DAPK2: variants seen among roughly 807,000 people sequenced by gnomAD.
DAPK2 encodes the protein death-associated protein kinase 2.
In DAPK2, 35 loss-of-function variants were observed where a neutral mutation model predicts 44.1. That is an observed-to-expected ratio of 0.79 (90% confidence interval 0.61 to 1.05). The LOEUF (loss-of-function observed/expected upper bound fraction) is 1.05. DAPK2 is among the 50% of genes least tolerant of loss of function. DAPK2 has a pLI of 0.00. For synonymous variants in DAPK2, 174 were observed against 182.6 expected, an observed-to-expected ratio of 0.95 and a Z score of 0.38; for missense variants, 453 against 483.2, an observed-to-expected ratio of 0.94 and a Z score of 0.59.
At chr15:64,046,430 A>G (rs1567295922), upstream of DAPK2, 1 of 271,574 alleles carries the variant, frequency 3.7e-6, no homozygotes, top group Non-Finnish European at 5.5e-6. The surrounding 1 kb of genome is among the most constrained non-coding windows in gnomAD (Gnocchi z 5.3). Context: ...TCGGCCCTGC[A>G]GTCCTCTCCT....
At chr15:64,012,645 T>C (rs72755010) in intron 1 of DAPK2, among the ~76,000 whole-genome samples, 3,680 of 152,266 alleles carry the variant, frequency 0.024, 65 homozygotes, top group Non-Finnish European at 0.037. Flanking sequence ...AGAACAACAT[T>C]CTGATCCCAT....
intron 1 of DAPK2, among the ~76,000 whole-genome samples, chr15:63,989,428 C>T (rs918240841): frequency 1.4e-4 from 22 of 152,244 alleles, no homozygotes; most frequent in African/African-American, 5.1e-4. Context: ...AGTAAAGTGA[C>T]TGGCAATTGG....
intron 3 of DAPK2, among the ~76,000 whole-genome samples, chr15:63,943,251 C>T (rs2077363268): frequency 1.3e-5 from 2 of 151,914 alleles, no homozygotes; most frequent in South Asian, 4.2e-4. Flanking sequence ...TGGAGAAACC[C>T]TGTCTCTACA....
chr15:63,991,265 C>T, intron 1 of DAPK2: 1 of 456,280 alleles, frequency 2.2e-6, no homozygotes, highest in Non-Finnish European at 4.4e-6. Context: ...ACTAGATGGG[C>T]ATGACAGGAG....
chr15:63,971,582 G>A (rs576640808), intron 2 of DAPK2, 21 bp from the exon 4 acceptor site: 5 of 1,612,972 alleles, frequency 3.1e-6, no homozygotes, highest in Admixed American at 1.7e-5. Flanking sequence ...CCAGCGGGGG[G>A]AGGGGAGGCC....
chr15:63,971,622 G>A, intron 2 of DAPK2, 61 bp from the exon 4 acceptor site: 1 of 1,579,022 alleles, frequency 6.3e-7, no homozygotes, highest in Non-Finnish European at 8.6e-7. Flanking sequence ...ATGTCATGAG[G>A]CTGGGCTGAT....
intron 1 of DAPK2, among the ~76,000 whole-genome samples, chr15:64,021,604 C>T (rs899944879): frequency 4.6e-5 from 7 of 152,154 alleles, no homozygotes; most frequent in East Asian, 1.9e-4. Flanking sequence ...AATGTGGCCC[C>T]GTCTTCAATG....
chr15:63,957,168 A>G (rs1352919948), intron 3 of DAPK2, among the ~76,000 whole-genome samples: 2 of 152,228 alleles, frequency 1.3e-5, no homozygotes, highest in South Asian at 2.1e-4. Context: ...TTATCATTAT[A>G]TAATGGCTTT....
chr15:64,007,737 AT>A (rs2079274085), intron 1 of DAPK2, among the ~76,000 whole-genome samples: 1 of 152,260 alleles, frequency 6.6e-6, no homozygotes, highest in Non-Finnish European at 1.5e-5. Context: ...GCTGTGTGCC[AT>A]TTAGCACTAA....
chr15:63,907,331 C>G (rs1030613476), exon 11 of DAPK2: 1 of 152,006 alleles, frequency 6.6e-6, no homozygotes, highest in African/African-American at 2.4e-5. Context: ...GTTAAGACTT[C>G]AACATAGAAA....
intron 3 of DAPK2, among the ~76,000 whole-genome samples, chr15:63,949,591 C>A (rs1387592147): frequency 1.3e-5 from 2 of 152,226 alleles, no homozygotes; most frequent in Non-Finnish European, 2.9e-5. Context: ...CCCATCTGTG[C>A]TAATTGCCTA....
At chr15:64,040,226 C>T in exon 1 of DAPK2, 3 of 1,614,058 alleles carry the variant, frequency 1.9e-6, no homozygotes, top group Non-Finnish European at 2.5e-6. Flanking sequence ...GCTTGAATGG[C>T]TCCATGTTTG....
At chr15:63,930,649 C>T (rs2079518707) in intron 4 of DAPK2, among the ~76,000 whole-genome samples, 194 bp from the exon 6 acceptor site, 2 of 152,060 alleles carry the variant, frequency 1.3e-5, no homozygotes, top group African/African-American at 4.8e-5. Flanking sequence ...TTGTGCGTCC[C>T]CAAATTCATA....
At chr15:64,027,124 T>C (rs2079870073) in intron 1 of DAPK2, among the ~76,000 whole-genome samples, 1 of 152,124 alleles carries the variant, frequency 6.6e-6, no homozygotes, top group South Asian at 2.1e-4. Context: ...GGCTCATGCC[T>C]ATAATCCCAG....
chr15:64,017,120 G>T (rs1404430371), intron 1 of DAPK2, among the ~76,000 whole-genome samples: 1 of 152,126 alleles, frequency 6.6e-6, no homozygotes, highest in African/African-American at 2.4e-5. Context: ...GACCTACTGT[G>T]TTCCCTTTTC....
At chr15:64,006,056 C>CAAA (rs2079219965) in intron 1 of DAPK2, among the ~76,000 whole-genome samples, 4 of 114,114 alleles carry the variant, frequency 3.5e-5, no homozygotes, top group African/African-American at 1.5e-4. Flanking sequence ...AAAAAAAAAC[C>CAAA]CCACAAAAAA....
intron 1 of DAPK2, among the ~76,000 whole-genome samples, chr15:64,018,011 T>C (rs1377704149): frequency 6.6e-6 from 1 of 152,216 alleles, no homozygotes; most frequent in Non-Finnish European, 1.5e-5. Context: ...ATTTCTATAA[T>C]GGGTACTGCT....
chr15:63,943,069 G>A (rs1266898533), intron 3 of DAPK2, among the ~76,000 whole-genome samples: 2 of 149,960 alleles, frequency 1.3e-5, no homozygotes, highest in Non-Finnish European at 1.5e-5. Context: ...ACACTTCATT[G>A]AACTCTCAAC....
chr15:64,036,323 A>ATATATATATATG (rs2080197817), intron 1 of DAPK2, among the ~76,000 whole-genome samples: 1 of 115,428 alleles, frequency 8.7e-6, no homozygotes, highest in Non-Finnish European at 1.8e-5. Context: ...ATATATGTAT[A>ATATATATATATG]TATATATATA....
Sources: allele counts gnomAD v4.1 joint callset (sites outside exome capture counted in the v4.1 genomes callset), GRCh38; gene constraint gnomAD v4.1.1; non-coding constraint Gnocchi (gnomAD v3.1); transcripts MANE v1.5; gene names NCBI Gene and HGNC (gene_info 2026-07-23, HGNC 2026-07-21).